GAS5: variants seen among roughly 807,000 people sequenced by gnomAD.
GAS5 encodes growth arrest specific 5.
At chr1:173,867,244 C>A, upstream of GAS5, 1 of 519,814 alleles carries the variant, frequency 1.9e-6, no homozygotes, top group Non-Finnish European at 3.4e-6. Context: ...GGCGGCCGGG[C>A]GCGGTGGCTC....
intron 7 of GAS5, chr1:173,864,063 G>A (rs1246586879): frequency 2.3e-6 from 1 of 442,980 alleles, no homozygotes; most frequent in African/African-American, 2.0e-5. Context: ...TCTAGCTTGG[G>A]TGAGGCAAGA....
chr1:173,866,229 TCAG>T (rs1430844492), intron 3 of GAS5: 10 of 486,164 alleles, frequency 2.1e-5, no homozygotes, highest in African/African-American at 1.4e-4. Context: ...TACAAAATTG[TCAG>T]CAAAAAATAT....
At chr1:173,866,020 TCATC>T in intron 4 of GAS5, 1 of 519,088 alleles carries the variant, frequency 1.9e-6, no homozygotes, top group Non-Finnish European at 3.8e-6. Context: ...TTGCTTATCA[TCATC>T]CAGGCTGCAT....
intron 5 of GAS5, chr1:173,865,698 C>T (rs761851569): frequency 1.9e-6 from 1 of 519,232 alleles, no homozygotes; most frequent in Non-Finnish European, 3.8e-6. Context: ...AACCCCGTTC[C>T]AAACATGCTC....
upstream of GAS5, chr1:173,867,799 G>A (rs1322068847): frequency 9.6e-6 from 5 of 518,484 alleles, no homozygotes; most frequent in Admixed American, 5.8e-5. Flanking sequence ...TCGCAGCTTA[G>A]GTCACGCATG....
chr1:173,867,899 C>T (rs143149970), upstream of GAS5: 2,743 of 392,260 alleles, frequency 7.0e-3, 15 homozygotes, highest in South Asian at 0.011. Flanking sequence ...TTCAGGGTGA[C>T]CTTAGCAGAC....
intron 7 of GAS5, chr1:173,864,204 G>A: frequency 1.9e-6 from 1 of 518,370 alleles, no homozygotes; most frequent in Non-Finnish European, 3.9e-6. Context: ...AAGTTGGATT[G>A]AGATCATCAT....
At chr1:173,866,065 CAAG>C (rs750448960) in intron 4 of GAS5, 19 of 518,892 alleles carry the variant, frequency 3.7e-5, no homozygotes, top group African/African-American at 3.7e-4. Flanking sequence ...CATAACAAGA[CAAG>C]AATCCGCCAT....
exon 5 of GAS5, chr1:173,865,879 G>GC (rs2102682658): frequency 1.9e-6 from 1 of 518,238 alleles, no homozygotes; most frequent in African/African-American, 1.9e-5. Context: ...GCTGGTCCAG[G>GC]CAAGTTGGAC....
chr1:173,864,241 C>CA (rs1654209253), intron 7 of GAS5: 1 of 515,294 alleles, frequency 1.9e-6, no homozygotes, highest in African/African-American at 1.9e-5. Flanking sequence ...ATAGTCCCAA[C>CA]ATTTCCAATC....
upstream of GAS5, chr1:173,867,959 C>G (rs559589212): frequency 8.6e-6 from 3 of 348,546 alleles, no homozygotes; most frequent in East Asian, 1.5e-4. Flanking sequence ...ATAAAACATA[C>G]CTCACAGGAG....
chr1:173,866,102 G>C, intron 4 of GAS5: 1 of 512,344 alleles, frequency 2.0e-6, no homozygotes, highest in African/African-American at 1.9e-5. Flanking sequence ...TCAGCACTAG[G>C]AGGTAACTAA....
chr1:173,865,145 ACTGATAGTG>A (rs1036483878), intron 6 of GAS5: 2 of 340,628 alleles, frequency 5.9e-6, no homozygotes, highest in Non-Finnish European at 1.1e-5. Flanking sequence ...GTTGCAGTGA[ACTGATAGTG>A]CCGCTGCACT....
rs200757519 is a variant in GAS5 at position 173,866,050 on chromosome 1, T to C, written n.161+127A>G. ...CAGGCTGCATTTACAAACTTTCTTA[T>C]TAATCATAACAAGACAAGAATCCGC... On this transcript the variant is annotated intron_variant and non_coding_transcript_variant, in intron 4 of 7. Coordinates refer to ENST00000651080, the Ensembl canonical transcript of GAS5. 5.5e-4 allele frequency: 286 copies of C among 519,168 alleles called. 2 individuals carry two copies. The highest frequency in any genetic ancestry group is 3.8e-3 in the Middle Eastern group (12 of 3,146). 32.2% of individuals were successfully genotyped at this position (519,168 alleles called of 1,614,324 possible). A position where few individuals can be genotyped will look rare whatever the true frequency, so the allele number is the denominator to read the frequency against.
chr1:173,866,232 G>C, intron 3 of GAS5: 1 of 484,978 alleles, frequency 2.1e-6, no homozygotes, highest in Admixed American at 2.2e-5. Flanking sequence ...AAAATTGTCA[G>C]CAAAAAATAT....
upstream of GAS5, chr1:173,867,543 T>C (rs951665419): frequency 2.2e-6 from 1 of 447,166 alleles, no homozygotes; most frequent in African/African-American, 2.0e-5. Context: ...AATGGAAATA[T>C]TGGTGACACT....
chr1:173,864,117 G>A (rs1016440963), intron 7 of GAS5: 1 of 512,800 alleles, frequency 2.0e-6, no homozygotes, highest in Non-Finnish European at 3.9e-6. Flanking sequence ...CACATTTACA[G>A]ACTTCAATTA....
rs370713411 is a variant in GAS5, at chr1:173,866,454, CATAG to C, written n.131+70_131+73del. 7.6e-4 allele frequency: 473 copies of C among 622,592 alleles called. 2 individuals carry two copies. The highest frequency in any genetic ancestry group is 6.9e-3 in the African/African-American group (384 of 55,962). 38.6% of individuals were successfully genotyped at this position (622,592 alleles called of 1,614,324 possible). A position where few individuals can be genotyped will look rare whatever the true frequency, so the allele number is the denominator to read the frequency against. The stretch of plus-strand genomic sequence containing the variant: ...TGAAAAGAGGGGAGAGAAGCACTAA[CATAG>C]ATAATCATCATTGCTTTGGCTATTT... On this transcript the variant is annotated intron_variant and non_coding_transcript_variant, in intron 3 of 7. Coordinates refer to ENST00000651080, the Ensembl canonical transcript of GAS5.
At chr1:173,867,137 A>G (rs1489785597), upstream of GAS5, 18 of 603,914 alleles carry the variant, frequency 3.0e-5, no homozygotes, top group South Asian at 3.2e-4. Flanking sequence ...TTTTAAACCA[A>G]TGATGCAGGT....
Sources: gnomAD v4.1 joint callset for allele counts on GRCh38, gnomAD v4.1.1 for gene constraint, MANE v1.5 for transcripts, NCBI Gene and HGNC (gene_info 2026-07-23, HGNC 2026-07-21) for gene names.